Variants in NLGN4X observed in about 807,000 individuals in gnomAD.
NLGN4X encodes the protein neuroligin 4 X-linked.
In NLGN4X, 3 loss-of-function variants were observed where a neutral mutation model predicts 40.3. That is an observed-to-expected ratio of 0.07 (90% confidence interval 0.03 to 0.19). The LOEUF is 0.19. NLGN4X is among the 10% of genes least tolerant of loss of function. NLGN4X has a pLI of 1.00. For missense variants in NLGN4X, 382 were observed against 708.3 expected (o/e 0.54, Z 5.23); for synonymous variants, 270 against 306.8 (o/e 0.88, Z 1.25).
chrX:6,159,276 C>T (rs780829147), intron 1 of NLGN4X, among the ~76,000 whole-genome samples: 158 of 111,744 alleles, frequency 1.4e-3, no homozygotes, highest in African/African-American at 4.9e-3. Context: ...GCAACTCACA[C>T]TGATATATAA....
At chrX:6,148,272 A>C (rs764739532) in intron 2 of NLGN4X, among the ~76,000 whole-genome samples, 8 of 111,773 alleles carry the variant, frequency 7.2e-5, no homozygotes, top group Admixed American at 3.8e-4. Flanking sequence ...TGCTGTTGTT[A>C]TTGTTTAGAT....
rs201949705 is a variant in NLGN4X, at chrX:6,138,586, T to TA, written c.472+12408dup. Among the ~76,000 whole-genome samples the TA allele has an allele frequency of 6.6e-3, 737 of 112,051 alleles. 2 individuals are homozygous for TA. Among genetic ancestry groups the TA allele is most frequent in the African/African-American group, 0.021 (650 of 30,921 alleles). On this transcript the variant is annotated intron_variant, in intron 2 of 5. Transcript: ENST00000381095. ...TACTGAAGTATATGATTCATTCTTT[T>TA]ATCTCAAAAATGCTCTGGGTCTTCA...
intron 3 of NLGN4X, among the ~76,000 whole-genome samples, chrX:5,948,478 C>A (rs887067763): frequency 8.9e-6 from 1 of 112,138 alleles, no homozygotes; most frequent in Non-Finnish European, 1.9e-5. Context: ...GAGATGCCAT[C>A]TTTCTATTTT....
At chrX:6,066,784 C>CA (rs2037928732) in intron 2 of NLGN4X, among the ~76,000 whole-genome samples, 1 of 108,420 alleles carries the variant, frequency 9.2e-6, no homozygotes, top group Non-Finnish European at 1.9e-5. Context: ...GACTCTGTCT[C>CA]AAAAAACAAA....
At chrX:5,944,741 A>G (rs1468562073) in intron 3 of NLGN4X, among the ~76,000 whole-genome samples, 1 of 111,080 alleles carries the variant, frequency 9.0e-6, no homozygotes, top group Non-Finnish European at 1.9e-5. Context: ...AGAAGAAATC[A>G]GCCAAAAGAA....
At chrX:5,896,956 C>CT (rs1218924687) in intron 5 of NLGN4X, among the ~76,000 whole-genome samples, 2 of 111,173 alleles carry the variant, frequency 1.8e-5, no homozygotes, top group South Asian at 7.6e-4. Flanking sequence ...ATTGGAACTT[C>CT]TTTTTTTTCC....
At chrX:6,053,836 G>A (rs2037551554) in intron 2 of NLGN4X, among the ~76,000 whole-genome samples, 1 of 112,089 alleles carries the variant, frequency 8.9e-6, no homozygotes, top group South Asian at 3.7e-4. Flanking sequence ...TGCTTTCATG[G>A]CTATTAAACA....
At chrX:5,932,171 A>G (rs1410899099) in intron 3 of NLGN4X, among the ~76,000 whole-genome samples, 1 of 111,730 alleles carries the variant, frequency 9.0e-6, no homozygotes, top group Non-Finnish European at 1.9e-5. Context: ...ATGAAGCTAA[A>G]GAGGCTGTTT....
At chrX:6,228,130 G>A (rs1314954444) in intron 1 of NLGN4X, among the ~76,000 whole-genome samples, 2 of 111,621 alleles carry the variant, frequency 1.8e-5, no homozygotes, top group Non-Finnish European at 3.8e-5. Context: ...ACAGTCTTCT[G>A]TTTATTTGTG....
At chrX:5,947,805 C>G (rs1243069805) in intron 3 of NLGN4X, among the ~76,000 whole-genome samples, 1 of 110,896 alleles carries the variant, frequency 9.0e-6, no homozygotes, top group Non-Finnish European at 1.9e-5. Context: ...TTTGTGGGTA[C>G]AAAATTTCAA....
intron 2 of NLGN4X, among the ~76,000 whole-genome samples, chrX:6,075,588 C>A (rs944496428): frequency 5.0e-4 from 56 of 111,442 alleles, no homozygotes; most frequent in Non-Finnish European, 9.2e-4. Context: ...GTGTTTGAGT[C>A]ATGGAGGTGG....
At chrX:6,113,947 A>G (rs934607616) in intron 2 of NLGN4X, among the ~76,000 whole-genome samples, 1 of 110,809 alleles carries the variant, frequency 9.0e-6, no homozygotes, top group Non-Finnish European at 1.9e-5. Context: ...CAGCTTCCCA[A>G]GTAGCTGTAA....
At chrX:6,122,887 T>C (rs2039456526) in intron 2 of NLGN4X, among the ~76,000 whole-genome samples, 1 of 106,441 alleles carries the variant, frequency 9.4e-6, no homozygotes, top group South Asian at 4.2e-4. Context: ...CCACAAACAA[T>C]GCACATAGGA....
At chrX:6,085,429 C>T (rs2038471984) in intron 2 of NLGN4X, among the ~76,000 whole-genome samples, 2 of 111,381 alleles carry the variant, frequency 1.8e-5, no homozygotes, top group African/African-American at 6.5e-5. Context: ...GTGAGGTGGT[C>T]GTGTAATGGA....
Position 6,175,684 on chromosome X carries a change from C to T in NLGN4X, c.-305-23913G>A, listed in dbSNP as rs749497727. 6.2e-5 allele frequency among the ~76,000 whole-genome samples: 5 copies of T among 81,035 alleles called. No individual in the cohort carries two copies. The East Asian group carries it at 1.8e-3, about 28-fold the overall frequency. The allele number at this position is 81,035 out of a possible 115,157, so 70.4% of individuals were successfully genotyped here. ...AAAAAAAAAAAAAAACAAGATAAAA[C>T]CACACCTGAGCAGACAGTTTTCCAA... On this transcript the variant is annotated intron_variant, in intron 1 of 5. Transcript: ENST00000381095.
intron 3 of NLGN4X, among the ~76,000 whole-genome samples, chrX:5,964,701 G>A (rs1439058874): frequency 9.0e-6 from 1 of 110,793 alleles, no homozygotes; most frequent in Non-Finnish European, 1.9e-5. Flanking sequence ...GAGACAGGGT[G>A]GGGAGGGAGG....
chrX:6,116,290 CAAAAAAAAAAAAA>C (rs758019203), intron 2 of NLGN4X, among the ~76,000 whole-genome samples: 2 of 16,167 alleles, frequency 1.2e-4, no homozygotes, highest in Non-Finnish European at 2.0e-4. Flanking sequence ...GAGACTCTGT[CAAAAAAAAAAAAA>C]AAAAAAAAAA....
intron 3 of NLGN4X, among the ~76,000 whole-genome samples, chrX:5,995,759 G>T (rs1035254294): frequency 8.9e-6 from 1 of 111,851 alleles, no homozygotes; most frequent in Non-Finnish European, 1.9e-5. Flanking sequence ...GTCAGGCAGG[G>T]TTTAGAATGA....
intron 1 of NLGN4X, among the ~76,000 whole-genome samples, chrX:6,219,383 T>C (rs73627056): frequency 1.5e-3 from 29 of 18,998 alleles, no homozygotes; most frequent in African/African-American, 4.9e-3. Context: ...CTTTCTTTCC[T>C]TCCTTCTTTC....
Sources: gnomAD v4.1 joint callset for allele counts (sites outside exome capture counted in the v4.1 genomes callset) on GRCh38, gnomAD v4.1.1 for gene constraint, MANE v1.5 for transcripts, NCBI Gene and HGNC (gene_info 2026-07-23, HGNC 2026-07-21) for gene names.